Variants in CBY1 observed in about 807,000 individuals in gnomAD.
CBY1 encodes the protein chibby 1, beta catenin antagonist, also known as protein chibby homolog 1.
Under a neutral mutation model 15.6 loss-of-function variants are expected in CBY1, and 10 were observed. The observed-to-expected ratio is 0.64, with a 90% CI of 0.40 to 1.09. CBY1 has a LOEUF of 1.09. Ranked by LOEUF, CBY1 falls within the 50% of genes least tolerant of loss-of-function variation. CBY1 has a pLI of 0.01. For synonymous variants in CBY1, 61 were observed against 63.5 expected (o/e 0.96, Z 0.19); for missense variants, 150 against 160.5 (o/e 0.93, Z 0.35).
intron 1 of CBY1, among the ~76,000 whole-genome samples, chr22:38,664,498 T>C (rs1239164188): frequency 6.9e-6 from 1 of 144,432 alleles, no homozygotes; most frequent in African/African-American, 2.5e-5. Context: ...GCAAAATACA[T>C]GAATAAGCAT....
At chr22:38,658,425 C>T (rs567247678) in intron 1 of CBY1, among the ~76,000 whole-genome samples, 1 of 148,820 alleles carries the variant, frequency 6.7e-6, no homozygotes, top group Non-Finnish European at 1.5e-5. Flanking sequence ...TACCTGGCCT[C>T]TTTCTTTTTT....
intron 3 of CBY1, 29 bp from the exon 4 acceptor site, chr22:38,671,041 C>A (rs766852663): frequency 6.2e-7 from 1 of 1,611,282 alleles, no homozygotes; most frequent in Non-Finnish European, 8.5e-7. Context: ...GAGGAAATCC[C>A]CCTTTAACTG....
intron 1 of CBY1, among the ~76,000 whole-genome samples, chr22:38,663,697 CAAAAAA>C (rs35974746): frequency 2.6e-5 from 2 of 76,456 alleles, no homozygotes; most frequent in East Asian, 6.8e-4. Flanking sequence ...ACTCTGTCTC[CAAAAAA>C]AAAAAAAAAA....
At chr22:38,664,031 AAAG>A (rs1310845988) in intron 1 of CBY1, among the ~76,000 whole-genome samples, 6 of 151,834 alleles carry the variant, frequency 4.0e-5, no homozygotes, top group South Asian at 2.1e-4. Context: ...CAAAAAAAAA[AAAG>A]AAGGAGAAAG....
intron 2 of CBY1, chr22:38,670,618 A>G (rs1387534183): frequency 2.7e-6 from 1 of 364,520 alleles, no homozygotes; most frequent in African/African-American, 2.1e-5. Context: ...TTAAGTGTCA[A>G]GTAGGTATAA....
At chr22:38,672,672 G>GT (rs1215163795) in intron 4 of CBY1, among the ~76,000 whole-genome samples, 1 of 151,908 alleles carries the variant, frequency 6.6e-6, no homozygotes, top group Non-Finnish European at 1.5e-5. Flanking sequence ...TAGTGAGTTA[G>GT]TACAAGAAAA....
At chr22:38,657,504 G>C (rs953268908) in intron 1 of CBY1, among the ~76,000 whole-genome samples, 1 of 152,244 alleles carries the variant, frequency 6.6e-6, no homozygotes, top group Non-Finnish European at 1.5e-5. Flanking sequence ...GTTGCCATGG[G>C]CCAGTGGGAC....
chr22:38,660,685 T>C (rs979790186), intron 1 of CBY1, among the ~76,000 whole-genome samples: 2 of 152,038 alleles, frequency 1.3e-5, no homozygotes, highest in Admixed American at 6.6e-5. Flanking sequence ...ATCATGGCTA[T>C]GCACCTTGGG....
intron 1 of CBY1, chr22:38,666,755 T>C (rs911997110): frequency 5.7e-4 from 86 of 152,020 alleles, no homozygotes; most frequent in African/African-American, 2.0e-3. Flanking sequence ...CAGGCTGGAG[T>C]GCAGTGGCGC....
chr22:38,673,344 G>A lies in CBY1; in HGVS notation c.*108G>A. ...AGAGTATCATATAATGAGACCCACA[G>A]GCACTGGCACCCTTGGGTTGGCAAT... On this transcript the variant is annotated 3_prime_UTR_variant, in exon 5 of 5. Coordinates refer to ENST00000216029, the MANE Select transcript of CBY1 (RefSeq NM_015373.4). 1.5e-6 allele frequency: 1 copy of A among 689,098 alleles called. No individual in the cohort carries two copies. 42.7% of individuals were successfully genotyped at this position (689,098 alleles called of 1,614,324 possible).
chr22:38,658,510 G>A (rs2092411787), intron 1 of CBY1, among the ~76,000 whole-genome samples: 1 of 151,506 alleles, frequency 6.6e-6, no homozygotes, highest in Admixed American at 6.6e-5. Context: ...GCCCAGGCTG[G>A]AGTGCAGTGG....
At chr22:38,659,195 C>CA (rs1254858757) in intron 1 of CBY1, among the ~76,000 whole-genome samples, 1 of 151,882 alleles carries the variant, frequency 6.6e-6, no homozygotes, top group African/African-American at 2.4e-5. Context: ...CTTGGCCTCC[C>CA]AAAGTGCTGG....
At chr22:38,671,723 C>A in intron 4 of CBY1, 1 of 158,240 alleles carries the variant, frequency 6.3e-6, no homozygotes, top group Non-Finnish European at 1.4e-5. Flanking sequence ...GGCAGGAGAG[C>A]ATACACTGTA....
intron 4 of CBY1, chr22:38,671,495 A>G: frequency 2.8e-6 from 1 of 362,972 alleles, no homozygotes; most frequent in Non-Finnish European, 5.2e-6. Flanking sequence ...TCTGAGCTGA[A>G]TGTGGAAGGA....
intron 1 of CBY1, among the ~76,000 whole-genome samples, chr22:38,659,803 A>G (rs2092416666): frequency 6.8e-6 from 1 of 147,086 alleles, no homozygotes; most frequent in Non-Finnish European, 1.5e-5. Flanking sequence ...CGGAGCTTGC[A>G]GTGAGCCGAC....
chr22:38,670,871 A>C lies in CBY1; in HGVS notation c.79-13A>C. ...GGGCCTGCTGAAGTTGTCACATAGC[A>C]TCTCGCCCACAGTTGGATCGATCAA... On this transcript the variant is annotated splice_polypyrimidine_tract_variant and intron_variant, in intron 2 of 4. Transcript: ENST00000216029. The C allele has an allele frequency of 6.2e-7, 1 of 1,603,988 alleles. No homozygotes were observed. Among genetic ancestry groups the C allele is most frequent in the Non-Finnish European group, 8.5e-7 (1 of 1,171,012 alleles).
At chr22:38,658,206 A>G (rs1380047585) in intron 1 of CBY1, among the ~76,000 whole-genome samples, 1 of 151,852 alleles carries the variant, frequency 6.6e-6, no homozygotes, top group African/African-American at 2.4e-5. Flanking sequence ...GCTCACTGCA[A>G]CCTCTGCCTC....
chr22:38,666,690 A>G (rs1395353941), intron 1 of CBY1: 1 of 134,190 alleles, frequency 7.5e-6, no homozygotes, highest in Admixed American at 7.2e-5. Context: ...AGCTTTACTC[A>G]TTTATTTATT....
chr22:38,671,239 T>C lies in CBY1; in HGVS notation c.303+51T>C, dbSNP rs764148501. ...GCCTAGCTTCTCCTTTTGGGGAGGC[T>C]CCACCTCGAGTCACTTAATCCAACA... On this transcript the variant is annotated intron_variant, in intron 4 of 4. Coordinates refer to ENST00000216029, the MANE Select transcript of CBY1 (RefSeq NM_015373.4). 6 of 1,349,436 alleles carry C rather than the reference T, an allele frequency of 4.4e-6. No homozygotes were observed. In the South Asian group the frequency reaches 7.0e-5, roughly 16 times the overall value. 83.6% of individuals were successfully genotyped at this position (1,349,436 alleles called of 1,614,324 possible). A position where few individuals can be genotyped will look rare whatever the true frequency, so the allele number is the denominator to read the frequency against.
Sources: gnomAD v4.1 joint callset for allele counts (sites outside exome capture counted in the v4.1 genomes callset) on GRCh38, gnomAD v4.1.1 for gene constraint, MANE v1.5 for transcripts, NCBI Gene and HGNC (gene_info 2026-07-23, HGNC 2026-07-21) for gene names.